The following NSD2 variants were observed in gnomAD, a reference collection of about 807,000 sequenced individuals.
NSD2 encodes the protein histone-lysine N-methyltransferase NSD2.
NSD2 carries 12 observed loss-of-function variants against 139.0 expected under a neutral mutation model. That is an observed-to-expected ratio of 0.09 (90% CI 0.06 to 0.14). NSD2 has a LOEUF of 0.14. Ranked by LOEUF, NSD2 falls within the 10% of genes least tolerant of loss-of-function variation. NSD2 has a pLI of 1.00. For synonymous variants in NSD2, 669 were observed against 648.7 expected (o/e 1.03, Z -0.48); for missense variants, 1,155 against 1,745.0 (o/e 0.66, Z 6.02).
intron 7 of NSD2, among the ~76,000 whole-genome samples, chr4:1,936,100 T>TA (rs1208291339): frequency 2.0e-5 from 3 of 152,202 alleles, no homozygotes; most frequent in African/African-American, 7.2e-5. Flanking sequence ...GCAGCATAGA[T>TA]ACAAAGCCAG....
At chr4:1,935,102 G>A (rs755321003) in intron 6 of NSD2, 42 bp from the exon 7 acceptor site, 1 of 1,526,668 alleles carries the variant, frequency 6.6e-7, no homozygotes, top group Non-Finnish European at 9.0e-7. Flanking sequence ...TGCAGCTTTT[G>A]GAGTGGTTTT....
rs1412234817 is a variant in NSD2, at chr4:1,948,741, A to AT, written c.1882-2330dup. ...TATTTCCTCAAAACAGACTTTGTTA[A>AT]TGTAGGAAATCTCTCCAAGTGGAAA... On this transcript the variant is annotated intron_variant, in intron 9 of 21. Transcript: ENST00000508803. This position sits in a 1 kb window ranked among gnomAD's most constrained non-coding sequence, Gnocchi z 4.5. 1.0e-5 allele frequency: 11 copies of AT among 1,049,270 alleles called. No individual in the cohort carries two copies. Among genetic ancestry groups the AT allele is most frequent in the Non-Finnish European group, 1.3e-5 (11 of 868,214 alleles). 65.0% of individuals were successfully genotyped at this position (1,049,270 alleles called of 1,614,324 possible). A position where few individuals can be genotyped will look rare whatever the true frequency, so the allele number is the denominator to read the frequency against.
rs745624747 is a variant in NSD2, at chr4:1,959,755, C to T, written c.3255+15C>T. ...ACATCAGAAAGGTATGTGTCGTTAT[C>T]CCCTCCCCTGCTTTTGAGAAATTAC... is the stretch of plus-strand genomic sequence containing the variant. On this transcript the variant is annotated intron_variant, in intron 17 of 21. Transcript: ENST00000508803. The T allele has an allele frequency of 5.5e-5, 89 of 1,606,506 alleles. 4 individuals carry two copies. The South Asian group carries it at 9.2e-4, about 17-fold the overall frequency.
At chr4:1,940,543 TTAGGG>T in intron 9 of NSD2, 1 of 1,064,794 alleles carries the variant, frequency 9.4e-7, no homozygotes, top group Non-Finnish European at 1.1e-6. Context: ...TTCCTGATTT[TTAGGG>T]ATTACCTTCA....
chr4:1,908,466 A>C (rs1718232280), intron 3 of NSD2, among the ~76,000 whole-genome samples: 1 of 152,258 alleles, frequency 6.6e-6, no homozygotes, highest in African/African-American at 2.4e-5. Flanking sequence ...TGAAGGCATT[A>C]GAGTATAAAA....
intron 1 of NSD2, among the ~76,000 whole-genome samples, chr4:1,877,026 A>T (rs981792656): frequency 6.6e-6 from 1 of 151,432 alleles, no homozygotes; most frequent in African/African-American, 2.4e-5. Flanking sequence ...AATCCCAGCT[A>T]CTCGGGAGGC....
chr4:1,871,831 A>G (rs1454609340), intron 1 of NSD2, among the ~76,000 whole-genome samples: 2 of 53,318 alleles, frequency 3.8e-5, no homozygotes, highest in South Asian at 5.9e-4. Flanking sequence ...GAGTCCGGGC[A>G]GGGGAGGGGC....
chr4:1,874,733 A>G (rs908690125), intron 1 of NSD2, among the ~76,000 whole-genome samples: 14 of 152,300 alleles, frequency 9.2e-5, no homozygotes, highest in Middle Eastern at 3.4e-3. Context: ...CAAGAAATCT[A>G]CCTCGTCAAT....
rs986166554 is a variant in NSD2 at position 1,972,232 on chromosome 4, G to A, written c.3373-2631G>A. 8.5e-5 allele frequency among the ~76,000 whole-genome samples: 13 copies of A among 152,310 alleles called. No homozygotes were observed. Among genetic ancestry groups the A allele is most frequent in the African/African-American group, 2.9e-4 (12 of 41,560 alleles). On this transcript the variant is annotated intron_variant, in intron 18 of 21. Transcript: ENST00000508803. The surrounding 1 kb of genome is among the most constrained non-coding windows in gnomAD (Gnocchi z 4.0). ...CGTGTATTGAATGGAGCAGGCTTCT[G>A]TGGAAAGTTCGGCAGTGTCACTGAC... is the stretch of plus-strand genomic sequence containing the variant.
rs1041340870 is a variant in NSD2, at chr4:1,980,243, G to C, written c.*1334G>C. The C allele has an allele frequency of 8.6e-6, 2 of 233,078 alleles. No homozygotes were observed. Among genetic ancestry groups the C allele is most frequent in the African/African-American group, 4.4e-5 (2 of 45,324 alleles). 14.4% of individuals were successfully genotyped at this position (233,078 alleles called of 1,614,324 possible). On this transcript the variant is annotated 3_prime_UTR_variant, in exon 22 of 22. Coordinates refer to ENST00000508803, the MANE Select transcript of NSD2 (RefSeq NM_001042424.3). ...TCTACAGAGTGAGACCTATCTATCT[G>C]AGTACTACATATGTTTTAAGACTTG... is the stretch of plus-strand genomic sequence containing the variant.
chr4:1,936,768 C>A (rs1435451421), intron 7 of NSD2, among the ~76,000 whole-genome samples: 1 of 151,420 alleles, frequency 6.6e-6, no homozygotes, highest in African/African-American at 2.4e-5. Context: ...TTAAAATGCT[C>A]TTTTTATTTC....
At chr4:1,907,380 C>G (rs1429794901) in intron 3 of NSD2, among the ~76,000 whole-genome samples, 1 of 152,078 alleles carries the variant, frequency 6.6e-6, no homozygotes, top group African/African-American at 2.4e-5. Flanking sequence ...AATTTTAATA[C>G]TTTTGTATCT....
chr4:1,980,566 G>C lies in NSD2; in HGVS notation c.*1657G>C, dbSNP rs1243885434. 1 of 233,122 alleles carries C rather than the reference G, an allele frequency of 4.3e-6. No individual in the cohort carries two copies. The highest frequency in any genetic ancestry group is 8.5e-6 in the Non-Finnish European group (1 of 118,034). The allele number at this position is 233,122 out of a possible 1,614,324, so 14.4% of individuals were successfully genotyped here. A position where few individuals can be genotyped will look rare whatever the true frequency, so the allele number is the denominator to read the frequency against. ...CTGCAGTGTCTTTGGACCTGAGAGT[G>C]GCTACTCCGTGGTTTTGTGACCTGT... On this transcript the variant is annotated 3_prime_UTR_variant, in exon 22 of 22. Coordinates refer to ENST00000508803, the MANE Select transcript of NSD2 (RefSeq NM_001042424.3).
intron 18 of NSD2, among the ~76,000 whole-genome samples, chr4:1,965,181 T>G (rs1174548622): frequency 6.6e-6 from 1 of 151,168 alleles, no homozygotes; most frequent in East Asian, 1.9e-4. Flanking sequence ...ACAGAGACTC[T>G]AAAACATCTG....
chr4:1,891,250 G>C lies in NSD2; in HGVS notation c.-29-9376G>C, dbSNP rs117538303. ...TTCTACCATCATTCAGTGATAGCAG[G>C]GCTGAAATATATTTCAGGCAGACTA... On this transcript the variant is annotated intron_variant, in intron 1 of 21. Coordinates refer to ENST00000508803, the MANE Select transcript of NSD2 (RefSeq NM_001042424.3). Among the ~76,000 whole-genome samples, 754 of 152,242 alleles carry C rather than the reference G, an allele frequency of 5.0e-3. 9 individuals carry two copies. Among genetic ancestry groups the C allele is most frequent in the Admixed American group, 0.031 (472 of 15,288 alleles).
At chr4:1,909,935 G>A (rs1364864602) in intron 3 of NSD2, among the ~76,000 whole-genome samples, 2 of 150,588 alleles carry the variant, frequency 1.3e-5, no homozygotes, top group Non-Finnish European at 1.5e-5. Context: ...CACCGCGCCC[G>A]GCACCCGTTA....
rs1243352614 is a variant in NSD2, at chr4:1,975,290, C to A, written c.3515-4C>A. 6.2e-7 allele frequency: 1 copy of A among 1,614,076 alleles called. No homozygotes were observed. The highest frequency in any genetic ancestry group is 8.5e-7 in the Non-Finnish European group (1 of 1,179,946). On this transcript the variant is annotated splice_region_variant and splice_polypyrimidine_tract_variant and intron_variant, in intron 19 of 21. Coordinates refer to ENST00000508803, the MANE Select transcript of NSD2 (RefSeq NM_001042424.3). Reference sequence around the variant, plus strand: ...AATTTGGTGTCTGTCTCCTCTTCTCCCAGGGACGGAGCTGACTTTTAACTA... The same window carrying A: ...AATTTGGTGTCTGTCTCCTCTTCTCACAGGGACGGAGCTGACTTTTAACTA...
intron 1 of NSD2, among the ~76,000 whole-genome samples, chr4:1,884,518 C>G (rs1487394691): frequency 1.3e-5 from 2 of 152,030 alleles, no homozygotes. Flanking sequence ...CTCAGCCTCC[C>G]GAGTAGCTGG....
chr4:1,971,618 G>A (rs565869550), intron 18 of NSD2, among the ~76,000 whole-genome samples: 329 of 152,306 alleles, frequency 2.2e-3, no homozygotes, highest in African/African-American at 7.7e-3. Context: ...GTACTGAGGC[G>A]TGAGGTCCGA....
Sources: gnomAD v4.1 joint callset for allele counts (sites outside exome capture counted in the v4.1 genomes callset) on GRCh38, gnomAD v4.1.1 for gene constraint, Gnocchi (gnomAD v3.1) non-coding constraint, MANE v1.5 for transcripts, NCBI Gene and HGNC (gene_info 2026-07-23, HGNC 2026-07-21) for gene names.